Variants in APBA3 observed in about 807,000 individuals in gnomAD.
The protein encoded by APBA3 is amyloid-beta A4 precursor protein-binding family A member 3.
In APBA3, 45 loss-of-function variants were observed where a neutral mutation model predicts 55.9. The observed-to-expected ratio is 0.80, with a 90% CI of 0.63 to 1.03. The LOEUF is 1.03. APBA3 is among the 50% of genes least tolerant of loss of function. The pLI is 0.00. For missense variants in APBA3, 865 were observed against 820.3 expected (o/e 1.05, Z -0.67); for synonymous variants, 370 against 353.3 (o/e 1.05, Z -0.53).
intron 8 of APBA3, among the ~76,000 whole-genome samples, chr19:3,752,118 G>A (rs2037013429): frequency 6.6e-6 from 1 of 152,202 alleles, no homozygotes; most frequent in Non-Finnish European, 1.5e-5. Flanking sequence ...GGAGGCTGAG[G>A]AAGGAGATTT....
chr19:3,760,005 G>A lies in APBA3; in HGVS notation c.260C>T (p.Thr87Ile). 1 of 1,612,020 alleles carries A rather than the reference G, an allele frequency of 6.2e-7. No individual in the cohort carries two copies. Among genetic ancestry groups the A allele is most frequent in the Non-Finnish European group, 8.5e-7 (1 of 1,179,584 alleles). The change falls in exon 2 of 11, where the codon ACA becomes ATA. Residue 87 changes from threonine (T) to isoleucine (I), a missense_variant. Coordinates refer to ENST00000316757, the MANE Select transcript of APBA3 (RefSeq NM_004886.4). ...GGAPCPLHIA[T>I]GHGLASQEIA... ...CTCCTGGGAGGCCAGGCCATGGCCTGTGGCAATGTGTAGGGGACAGGGGGC... is the reference window on the plus strand; with the variant it reads ...CTCCTGGGAGGCCAGGCCATGGCCTATGGCAATGTGTAGGGGACAGGGGGC...
At position 3,759,929 on chromosome 19, in the gene APBA3, C is replaced by T. The variant is rs200604142; in HGVS notation, c.336G>A (p.Leu112=). 1.2e-6 allele frequency: 2 copies of T among 1,610,968 alleles called. No homozygotes were observed. Among genetic ancestry groups the T allele is most frequent in the East Asian group, 4.5e-5 (2 of 44,858 alleles). ...ATTCCTCGCAGTGCAAGAGGCCCAG[C>T]AGGTCATCCCGGCCAGCTTCGGCAG... The part of the protein sequence containing the change: ...LLSAEAGRDD[L]LGLLHCEECP... The change falls in exon 2 of 11, where the codon CTG becomes CTA. Residue 112 remains leucine, a synonymous_variant. Coordinates refer to ENST00000316757, the MANE Select transcript of APBA3 (RefSeq NM_004886.4).
intron 1 of APBA3, among the ~76,000 whole-genome samples, chr19:3,760,739 C>T (rs1324138397): frequency 1.7e-5 from 2 of 119,584 alleles, no homozygotes; most frequent in African/African-American, 6.1e-5. Flanking sequence ...ACAGACGAGA[C>T]TATCTCCAAA....
At chr19:3,758,891 A>G (rs753782029) in intron 3 of APBA3, among the ~76,000 whole-genome samples, 4 of 151,688 alleles carry the variant, frequency 2.6e-5, no homozygotes, top group Non-Finnish European at 5.9e-5. Flanking sequence ...AGAAAGAAAT[A>G]GTATTCTTCT....
Position 3,751,254 on chromosome 19 carries a change from C to A in APBA3, c.1591G>T (p.Gly531Trp), listed in dbSNP as rs912465815. 1.2e-5 allele frequency: 18 copies of A among 1,547,012 alleles called. No individual in the cohort carries two copies. In the African/African-American group the frequency reaches 2.5e-4, roughly 21 times the overall value. Residue 531 changes from glycine to tryptophan, a missense_variant, in exon 10 of 11, where the codon GGG (glycine) becomes TGG (tryptophan). Coordinates refer to ENST00000316757, the MANE Select transcript of APBA3 (RefSeq NM_004886.4). The part of the protein sequence containing the change: ...RVGHRIIEIN[G>W]QSVVATPHAR... Reference sequence around the variant, plus strand: ...TGTGGCGTGGCCACCACACTCTGCCCATTGATCTCAATGATGCGGTGGCCG... The same window carrying A: ...TGTGGCGTGGCCACCACACTCTGCCAATTGATCTCAATGATGCGGTGGCCG...
chr19:3,751,369 T>G (rs912518538), intron 9 of APBA3, 40 bp from the exon 10 acceptor site: 2 of 1,515,286 alleles, frequency 1.3e-6, no homozygotes, highest in Non-Finnish European at 1.8e-6. Context: ...AGGTGGGGGC[T>G]GCTCAGGGGC....
At chr19:3,757,112 GT>G (rs112010117) in intron 3 of APBA3, among the ~76,000 whole-genome samples, 2,039 of 146,924 alleles carry the variant, frequency 0.014, 52 homozygotes, top group African/African-American at 0.046. Flanking sequence ...CCACAGAACT[GT>G]TTTTTTTTTT....
At chr19:3,751,827 G>A (rs1307000439) in intron 8 of APBA3, 4 of 479,898 alleles carry the variant, frequency 8.3e-6, no homozygotes, top group South Asian at 2.7e-5. Context: ...GTAAGAGGCT[G>A]CACGGACTGT....
chr19:3,751,140 TCGTGGGGGA>T (rs754881811), intron 10 of APBA3, 40 bp downstream of exon 10: 2 of 1,558,076 alleles, frequency 1.3e-6, no homozygotes, highest in African/African-American at 1.4e-5. Flanking sequence ...AGGCCTGGGC[TCGTGGGGGA>T]CGTGGGGGCG....
chr19:3,752,920 C>T lies in APBA3; in HGVS notation c.1082G>A (p.Gly361Asp), dbSNP rs765421998. 14 of 1,613,424 alleles carry T rather than the reference C, an allele frequency of 8.7e-6. No homozygotes were observed. Among genetic ancestry groups the T allele is most frequent in the Non-Finnish European group, 1.0e-5 (12 of 1,179,912 alleles). Reference protein sequence around the residue: ...AAYSQFLRESGIDPSQVGVHP... With the variant: ...AAYSQFLRESDIDPSQVGVHP... The stretch of plus-strand genomic sequence containing the variant: ...CACGCCCACCTGGCTGGGGTCAATA[C>T]CGCTTTCCCGTAGGAACTGGCTGTA... Residue 361 changes from glycine (G) to aspartate (D), a missense_variant, in exon 7 of 11, where the codon GGT (glycine) becomes GAT (aspartate). By Grantham distance (94) the Gly-to-Asp change is moderately conservative. Transcript: ENST00000316757.
Position 3,760,225 on chromosome 19 carries a change from G to C in APBA3, c.40C>G (p.Pro14Ala). The C allele has an allele frequency of 6.2e-7, 1 of 1,610,038 alleles. No homozygotes were observed. The highest frequency in any genetic ancestry group is 1.1e-5 in the South Asian group (1 of 91,008). ...CTGGGCCCCTCCAAGTCCATGGCTG[G>C]AGGCCCCGAAGGGGATCGGGAAATT... is the stretch of plus-strand genomic sequence containing the variant. ...PTISRSPSGPPAMDLEGPRDI... is the reference protein window; with the variant it reads ...PTISRSPSGPAAMDLEGPRDI... The change falls in exon 2 of 11, where the codon CCA becomes GCA. Residue 14 changes from proline to alanine, a missense_variant. Pro to Ala is a conservative substitution (Grantham distance 27). Coordinates refer to ENST00000316757, the MANE Select transcript of APBA3 (RefSeq NM_004886.4).
At chr19:3,756,895 C>T (rs1236559725) in intron 3 of APBA3, among the ~76,000 whole-genome samples, 1 of 152,154 alleles carries the variant, frequency 6.6e-6, no homozygotes, top group Admixed American at 6.6e-5. Flanking sequence ...CACTAGATAA[C>T]TATTCCCTCC....
At position 3,754,233 on chromosome 19, in the gene APBA3, G is replaced by A. The variant is rs911530503; in HGVS notation, c.724C>T (p.Arg242Cys). ...VSERNPPTST[R>C]MAQAREAMDR... The stretch of plus-strand genomic sequence containing the variant: ...ATGGCCTCCCGGGCCTGGGCCATGC[G>A]CGTGCTGGTGGGCGGGTTCCGTTCC... The change falls in exon 4 of 11, where the codon CGC (arginine) becomes TGC (cysteine). Residue 242 changes from arginine to cysteine, a missense_variant. Coordinates refer to ENST00000316757, the MANE Select transcript of APBA3 (RefSeq NM_004886.4). 1.3e-5 allele frequency: 20 copies of A among 1,544,564 alleles called. No homozygotes were observed. The highest frequency in any genetic ancestry group is 2.4e-5 in the East Asian group (1 of 40,884).
chr19:3,758,549 A>T (rs1255962632), intron 3 of APBA3, among the ~76,000 whole-genome samples: 1 of 152,132 alleles, frequency 6.6e-6, no homozygotes, highest in Non-Finnish European at 1.5e-5. Context: ...GTGAGCCACC[A>T]TATCCAGCCT....
At position 3,753,765 on chromosome 19, in the gene APBA3, G is replaced by C; in HGVS notation, c.1011C>G (p.Asp337Glu). Residue 337 changes from aspartate to glutamate, a missense_variant and splice_region_variant, in exon 6 of 11, where the codon GAC (aspartate) becomes GAG (glutamate). Transcript: ENST00000316757. Reference protein sequence around the residue: ...KMLCHVFYAEDAQLIAQAIGQ... With the variant: ...KMLCHVFYAEEAQLIAQAIGQ... The stretch of plus-strand genomic sequence containing the variant: ...GTGGCCCCGCGCCCTGGCTGCTCAC[G>C]TCCTCCGCGTAGAATACGTGGCAGA... The C allele has an allele frequency of 6.6e-7, 1 of 1,519,932 alleles. No individual in the cohort carries two copies. The highest frequency in any genetic ancestry group is 1.4e-5 in the African/African-American group (1 of 73,030). The allele number at this position is 1,519,932 out of a possible 1,614,324, so 94.2% of individuals were successfully genotyped here.
rs1382376826 is a variant in APBA3 at position 3,761,583 on chromosome 19, C to CT, written c.-86dup. The stretch of plus-strand genomic sequence containing the variant: ...GCCCCGCGCAGCCTCCAGGACCCCG[C>CT]TCCCCACGGACGGCCCCGACGTAGC... On this transcript the variant is annotated 5_prime_UTR_variant, in exon 1 of 11. It introduces an in-frame stop codon into an upstream open reading frame of the 5' UTR. Coordinates refer to ENST00000316757, the MANE Select transcript of APBA3 (RefSeq NM_004886.4). 1.3e-5 allele frequency: 2 copies of CT among 152,402 alleles called. No homozygotes were observed. Among genetic ancestry groups the CT allele is most frequent in the Non-Finnish European group, 2.9e-5 (2 of 68,150 alleles). 9.4% of individuals were successfully genotyped at this position (152,402 alleles called of 1,614,324 possible).
rs757746940 is a variant in APBA3, at chr19:3,760,111, G to A, written c.154C>T (p.Leu52Phe). Residue 52 changes from leucine to phenylalanine, a missense_variant, in exon 2 of 11, where the codon CTT becomes TTT. Leu to Phe is a conservative substitution (Grantham distance 22). Transcript: ENST00000316757. ...GGPGSLSRME[L>F]DESSLQELVQ... ...AGCTCCTGAAGGCTTGACTCATCAA[G>A]TTCCATCCGACTGAGGCTGCCGGGG... 7 of 1,613,516 alleles carry A rather than the reference G, an allele frequency of 4.3e-6. No individual in the cohort carries two copies. The South Asian group carries it at 7.7e-5, about 18-fold the overall frequency.
In APBA3 at chr19:3,754,100, G is replaced by T. The variant is rs768144635; in HGVS notation, c.768C>A (p.Pro256=). 3 of 1,602,014 alleles carry T rather than the reference G, an allele frequency of 1.9e-6. No homozygotes were observed. Among genetic ancestry groups the T allele is most frequent in the African/African-American group, 2.7e-5 (2 of 74,660 alleles). ...AREAMDRVKA[P]DGETQPMTEV... is the part of the protein sequence containing the mutation. ...CCGTCATGGGCTGGGTCTCCCCATC[G>T]GGGGCCTGTGGGTGGCGGCGTGGGA... The change falls in exon 5 of 11, where the codon CCC becomes CCA. Residue 256 remains proline, a synonymous_variant. Coordinates refer to ENST00000316757, the MANE Select transcript of APBA3 (RefSeq NM_004886.4).
intron 8 of APBA3, 40 bp downstream of exon 8, chr19:3,752,468 T>C (rs1215998792): frequency 5.3e-6 from 8 of 1,516,384 alleles, no homozygotes; most frequent in Admixed American, 2.0e-5. Context: ...CAGCTCCCCT[T>C]CCTGGGAGTG....
Sources: gnomAD v4.1 joint callset for allele counts (sites outside exome capture counted in the v4.1 genomes callset) on GRCh38, gnomAD v4.1.1 for gene constraint, MANE v1.5 for transcripts, NCBI Gene and HGNC (gene_info 2026-07-23, HGNC 2026-07-21) for gene names.